The following NRG3 variants were observed in gnomAD, a reference collection of about 807,000 sequenced individuals.
NRG3 encodes neuregulin 3.
In NRG3, 31 loss-of-function variants were observed where a neutral mutation model predicts 66.9. The observed-to-expected ratio is 0.46, with a 90% CI of 0.35 to 0.63. NRG3 has a LOEUF of 0.63. Ranked by LOEUF, NRG3 falls within the 20% of genes least tolerant of loss-of-function variation. The pLI, the probability that NRG3 is intolerant of heterozygous loss-of-function variation, is 0.00. For synonymous variants in NRG3, 393 were observed against 359.4 expected (o/e 1.09, Z -1.06); for missense variants, 910 against 878.9 (o/e 1.04, Z -0.45).
At chr10:82,939,378 A>T (rs1412455550) in intron 4 of NRG3, among the ~76,000 whole-genome samples, 3 of 152,202 alleles carry the variant, frequency 2.0e-5, no homozygotes, top group African/African-American at 7.2e-5. Context: ...TAGAAATAAG[A>T]TAAACTATAG....
intron 6 of NRG3, among the ~76,000 whole-genome samples, chr10:82,960,857 A>G (rs1326690435): frequency 6.6e-6 from 1 of 151,574 alleles, no homozygotes; most frequent in Non-Finnish European, 1.5e-5. Context: ...ATTTTCCTTT[A>G]CCTACCCAAA....
At chr10:82,305,229 T>C (rs1325490491) in intron 1 of NRG3, among the ~76,000 whole-genome samples, 1 of 152,022 alleles carries the variant, frequency 6.6e-6, no homozygotes, top group Admixed American at 6.6e-5. Context: ...TCTCCTGACC[T>C]TGTGATCCAC....
intron 4 of NRG3, among the ~76,000 whole-genome samples, chr10:82,901,225 T>A (rs2131880763): frequency 6.6e-6 from 1 of 152,334 alleles, no homozygotes; most frequent in Non-Finnish European, 1.5e-5. Flanking sequence ...TACATTTATT[T>A]GGTTTCATTC....
At chr10:82,585,561 A>T (rs1590771996) in intron 2 of NRG3, among the ~76,000 whole-genome samples, 1 of 152,034 alleles carries the variant, frequency 6.6e-6, no homozygotes, top group South Asian at 2.1e-4. Context: ...CACAGTAGTT[A>T]CCTCCTCCTC....
At chr10:82,105,145 G>C (rs1336036694) in intron 1 of NRG3, among the ~76,000 whole-genome samples, 1 of 152,096 alleles carries the variant, frequency 6.6e-6, no homozygotes, top group Non-Finnish European at 1.5e-5. Context: ...TAGAATCTTT[G>C]TTATTAAAAA....
At chr10:81,878,152 G>A in intron 1 of NRG3, 1 of 1,406,784 alleles carries the variant, frequency 7.1e-7, no homozygotes. Context: ...GGGAATGGCA[G>A]CCTGTTTAAT....
At chr10:82,136,322 A>G (rs983248635) in intron 1 of NRG3, among the ~76,000 whole-genome samples, 4 of 152,158 alleles carry the variant, frequency 2.6e-5, no homozygotes, top group African/African-American at 9.7e-5. Context: ...GCCCACAGCA[A>G]CCATTGCCTG....
chr10:81,961,199 A>G (rs1388312009), intron 1 of NRG3, among the ~76,000 whole-genome samples: 2 of 152,236 alleles, frequency 1.3e-5, no homozygotes, highest in Non-Finnish European at 2.9e-5. Context: ...CACATCATGA[A>G]TAATGATGAA....
chr10:82,642,481 A>G (rs1027599061), intron 2 of NRG3, among the ~76,000 whole-genome samples: 2 of 152,122 alleles, frequency 1.3e-5, no homozygotes, highest in Admixed American at 1.3e-4. Flanking sequence ...TTTAAAAAAT[A>G]TGAACCTAGT....
chr10:82,931,773 T>C (rs889848094), intron 4 of NRG3, among the ~76,000 whole-genome samples: 1 of 152,196 alleles, frequency 6.6e-6, no homozygotes, highest in African/African-American at 2.4e-5. Flanking sequence ...TCCTGCAGTC[T>C]GCCGTCTGAG....
rs561040179 is a variant in NRG3, at chr10:82,113,397, C to T, written c.823+237234C>T. 4.6e-5 allele frequency among the ~76,000 whole-genome samples: 7 copies of T among 152,294 alleles called. No individual in the cohort carries two copies. In the South Asian group the frequency reaches 1.5e-3, roughly 32 times the overall value. On this transcript the variant is annotated intron_variant, in intron 1 of 8. Coordinates refer to ENST00000372141, the MANE Select transcript of NRG3 (RefSeq NM_001010848.4). ...CACGTAGCTTTTCGCTGATGGAGACCATGCCAAACATGAATTCTAACTGTG... is the reference window on the plus strand; with the variant it reads ...CACGTAGCTTTTCGCTGATGGAGACTATGCCAAACATGAATTCTAACTGTG...
chr10:82,629,645 A>C (rs1247658409), intron 2 of NRG3, among the ~76,000 whole-genome samples: 2 of 152,200 alleles, frequency 1.3e-5, no homozygotes, highest in African/African-American at 4.8e-5. Context: ...GCTTGAGTTA[A>C]AAATTCCTTG....
chr10:82,206,867 G>A (rs370111428), intron 1 of NRG3, among the ~76,000 whole-genome samples: 3 of 152,160 alleles, frequency 2.0e-5, no homozygotes, highest in South Asian at 2.1e-4. Flanking sequence ...TTATGTTCCC[G>A]TACTTAGTCC....
intron 1 of NRG3, among the ~76,000 whole-genome samples, chr10:82,080,832 A>G (rs1038996396): frequency 2.6e-5 from 4 of 152,164 alleles, no homozygotes; most frequent in African/African-American, 9.7e-5. Flanking sequence ...CATCACCACT[A>G]TCTATACCCA....
chr10:82,742,464 A>C (rs1384958462), intron 3 of NRG3, among the ~76,000 whole-genome samples: 1 of 152,092 alleles, frequency 6.6e-6, no homozygotes, highest in African/African-American at 2.4e-5. Flanking sequence ...AATCTTATAA[A>C]GTGTGTCAGT....
At chr10:82,656,290 T>C (rs1752956267) in intron 2 of NRG3, among the ~76,000 whole-genome samples, 1 of 145,870 alleles carries the variant, frequency 6.9e-6, no homozygotes, top group Admixed American at 7.1e-5. Flanking sequence ...CTTACTTTTC[T>C]TTCTTTCTTT....
intron 4 of NRG3, among the ~76,000 whole-genome samples, chr10:82,930,772 A>G (rs1847491416): frequency 6.6e-6 from 1 of 152,182 alleles, no homozygotes; most frequent in South Asian, 2.1e-4. Context: ...CACTTGATCC[A>G]ATGGAGGTTA....
At chr10:82,498,840 A>AT (rs1590358863) in intron 2 of NRG3, among the ~76,000 whole-genome samples, 1 of 151,980 alleles carries the variant, frequency 6.6e-6, no homozygotes, top group African/African-American at 2.4e-5. Context: ...AACTTACAGA[A>AT]TTTTTTTCGG....
intron 2 of NRG3, among the ~76,000 whole-genome samples, chr10:82,552,654 T>A (rs1331232553): frequency 6.6e-6 from 1 of 152,158 alleles, no homozygotes; most frequent in African/African-American, 2.4e-5. Flanking sequence ...AGGGCTACCT[T>A]CTTGATCCTG....
Sources: gnomAD v4.1 joint callset for allele counts (sites outside exome capture counted in the v4.1 genomes callset) on GRCh38, gnomAD v4.1.1 for gene constraint, MANE v1.5 for transcripts, NCBI Gene and HGNC (gene_info 2026-07-23, HGNC 2026-07-21) for gene names.